Variants in LSM12 observed in about 807,000 individuals in gnomAD.
The protein encoded by LSM12 is protein LSM12.
For synonymous variants in LSM12, 74 were observed against 87.3 expected (o/e 0.85, Z 0.85); for missense variants, 108 against 238.9 (o/e 0.45, Z 3.61).
At chr17:44,039,345 G>A (rs1002736368) in intron 3 of LSM12, among the ~76,000 whole-genome samples, 5 of 146,784 alleles carry the variant, frequency 3.4e-5, no homozygotes, top group Admixed American at 1.4e-4. Context: ...GTGAGCCACC[G>A]TGCCCGACCA....
intron 2 of LSM12, among the ~76,000 whole-genome samples, chr17:44,043,408 A>G (rs2049520647): frequency 6.6e-6 from 1 of 152,230 alleles, no homozygotes; most frequent in South Asian, 2.1e-4. Context: ...GGCTGACAGC[A>G]TTCCAAGCAG....
At chr17:44,044,274 G>C (rs141619011) in intron 2 of LSM12, among the ~76,000 whole-genome samples, 2 of 152,292 alleles carry the variant, frequency 1.3e-5, no homozygotes, top group African/African-American at 2.4e-5. Flanking sequence ...TCAGCCAGAA[G>C]TGATTCTTTA....
intron 3 of LSM12, among the ~76,000 whole-genome samples, chr17:44,038,127 T>C (rs943150732): frequency 6.6e-6 from 1 of 151,850 alleles, no homozygotes; most frequent in African/African-American, 2.4e-5. Flanking sequence ...GGTGGGTAGA[T>C]TGCTTGAGTC....
chr17:44,056,425 A>T (rs921476452), intron 2 of LSM12, among the ~76,000 whole-genome samples: 6 of 151,944 alleles, frequency 3.9e-5, no homozygotes, highest in African/African-American at 1.5e-4. Context: ...GCAGTATAGT[A>T]AGACCATGTC....
At chr17:44,061,145 C>T (rs1011501873) in intron 2 of LSM12, among the ~76,000 whole-genome samples, 1 of 151,962 alleles carries the variant, frequency 6.6e-6, no homozygotes, top group Non-Finnish European at 1.5e-5. Context: ...CGGAGAAACC[C>T]CGTCTCTACT....
chr17:44,062,896 G>A (rs1411441487), intron 2 of LSM12, among the ~76,000 whole-genome samples: 2 of 151,056 alleles, frequency 1.3e-5, no homozygotes, highest in East Asian at 3.9e-4. Context: ...GACAGTGTGT[G>A]CCTGTCTCCA....
chr17:44,046,876 G>A (rs1364386748), intron 2 of LSM12, among the ~76,000 whole-genome samples: 61 of 143,436 alleles, frequency 4.3e-4, no homozygotes, highest in Non-Finnish European at 6.5e-4. Flanking sequence ...GATTACAGGC[G>A]CCCGCCACCA....
intron 2 of LSM12, 114 bp downstream of exon 2, chr17:44,063,687 C>A: frequency 1.6e-6 from 2 of 1,216,874 alleles, no homozygotes; most frequent in Non-Finnish European, 2.2e-6. Flanking sequence ...TCAGAACAAA[C>A]AATTTTAAGT....
intron 2 of LSM12, 44 bp from the exon 3 acceptor site, chr17:44,040,300 T>G: frequency 2.1e-6 from 3 of 1,461,216 alleles, no homozygotes; most frequent in Non-Finnish European, 2.9e-6. Context: ...GGATTCATCT[T>G]CATTCTTGCC....
chr17:44,058,105 T>C (rs1005747685), intron 2 of LSM12, among the ~76,000 whole-genome samples: 1 of 151,146 alleles, frequency 6.6e-6, no homozygotes, highest in African/African-American at 2.4e-5. Flanking sequence ...GGCGTGGTGG[T>C]GGGCGCCTGT....
intron 1 of LSM12, among the ~76,000 whole-genome samples, chr17:44,064,259 C>CTG (rs1491548990): frequency 6.8e-6 from 1 of 146,520 alleles, no homozygotes; most frequent in African/African-American, 2.5e-5. Flanking sequence ...ATAATACTCT[C>CTG]TGTGTCTGCA....
chr17:44,047,745 T>C (rs1303675216), intron 2 of LSM12, among the ~76,000 whole-genome samples: 1 of 150,802 alleles, frequency 6.6e-6, no homozygotes, highest in Non-Finnish European at 1.5e-5. Context: ...TTGTTCTGTT[T>C]TTTTTTTTTT....
At chr17:44,061,113 T>A (rs1597897729) in intron 2 of LSM12, among the ~76,000 whole-genome samples, 1 of 151,496 alleles carries the variant, frequency 6.6e-6, no homozygotes. Context: ...AGGTCGGGAG[T>A]TCGAGACCAG....
intron 2 of LSM12, among the ~76,000 whole-genome samples, chr17:44,061,176 G>A (rs914802232): frequency 1.3e-5 from 2 of 151,976 alleles, no homozygotes; most frequent in Admixed American, 1.3e-4. Context: ...AATTAGCTGG[G>A]TGTGGCTGTG....
rs749731695 is a variant in LSM12, at chr17:44,040,202, T to C, written c.313A>G (p.Ile105Val). 5.6e-6 allele frequency: 9 copies of C among 1,613,962 alleles called. No homozygotes were observed. The highest frequency in any genetic ancestry group is 2.2e-5 in the East Asian group (1 of 44,890). The change falls in exon 3 of 5, where the codon ATC (isoleucine) becomes GTC (valine). Residue 105 changes from isoleucine (I) to valine (V), a missense_variant. Transcript: ENST00000293406. ...KEEKLSQAYA[I>V]SAGVSLEGQQ... Reference sequence around the variant, plus strand: ...CCCTCTAGAGAGACACCAGCACTGATTGCATAGGCCTGGCTCAGCTTCTCC... The same window carrying C: ...CCCTCTAGAGAGACACCAGCACTGACTGCATAGGCCTGGCTCAGCTTCTCC...
chr17:44,061,627 T>A (rs996223410), intron 2 of LSM12, among the ~76,000 whole-genome samples: 25 of 152,200 alleles, frequency 1.6e-4, no homozygotes, highest in Non-Finnish European at 3.2e-4. Flanking sequence ...TCAGTTACCC[T>A]CTATTATTTT....
intron 2 of LSM12, among the ~76,000 whole-genome samples, chr17:44,049,002 A>C (rs1039518769): frequency 6.6e-6 from 1 of 152,168 alleles, no homozygotes; most frequent in African/African-American, 2.4e-5. Context: ...TAGCCTGGCC[A>C]ACATTGTGAA....
In LSM12 at chr17:44,047,104, T is replaced by C. The variant is rs117821620; in HGVS notation, c.259-6848A>G. On this transcript the variant is annotated intron_variant, in intron 2 of 4. Transcript: ENST00000293406. ...CTGTTAGCCTTTCTGATCTCAGCCA[T>C]TTTAGCAGAAGTATAGCAGTTTCAC... Among the ~76,000 whole-genome samples the C allele has an allele frequency of 2.0e-4, 30 of 152,314 alleles. No individual in the cohort carries two copies. The East Asian group carries it at 5.6e-3, about 28-fold the overall frequency.
intron 2 of LSM12, among the ~76,000 whole-genome samples, chr17:44,045,369 T>C (rs1005672953): frequency 1.3e-5 from 2 of 152,204 alleles, no homozygotes; most frequent in African/African-American, 2.4e-5. Context: ...ATATTTCATA[T>C]AAATGGAATG....
Sources: gnomAD v4.1 joint callset for allele counts (sites outside exome capture counted in the v4.1 genomes callset) on GRCh38, gnomAD v4.1.1 for gene constraint, MANE v1.5 for transcripts, NCBI Gene and HGNC (gene_info 2026-07-23, HGNC 2026-07-21) for gene names.